The following ERC1 variants were observed in gnomAD, a reference collection of about 807,000 sequenced individuals.
ERC1 encodes the protein ELKS/RAB6-interacting/CAST family member 1.
Under a neutral mutation model 132.0 loss-of-function variants are expected in ERC1, and 56 were observed. That is an observed-to-expected ratio of 0.42 (90% CI 0.34 to 0.53). The LOEUF is 0.53. ERC1 is among the 20% of genes least tolerant of loss of function. The pLI is 0.03. For synonymous variants in ERC1, 478 were observed against 476.1 expected (o/e 1.00, Z -0.05); for missense variants, 1,202 against 1,349.9 (o/e 0.89, Z 1.72).
chr12:1,160,982 T>C (rs2154260608), intron 8 of ERC1, among the ~76,000 whole-genome samples: 1 of 152,342 alleles, frequency 6.6e-6, no homozygotes, highest in East Asian at 1.9e-4. Flanking sequence ...CTAAGCAATG[T>C]ATGCACTGGA....
At position 1,182,051 on chromosome 12, in the gene ERC1, C is replaced by A; in HGVS notation, c.2002C>A (p.Leu668Ile). ...AAAAGTCAGCCTGTTGCAAGGCGAC[C>A]TTTCAGAGAAAGAGGTTAAGCTCCC... The part of the protein sequence containing the change: ...KEKVSLLQGD[L>I]SEKEASLLDL... The change falls in exon 10 of 19, where the codon CTT becomes ATT. Residue 668 changes from leucine (L) to isoleucine (I), a missense_variant. Leu to Ile is a conservative substitution (Grantham distance 5, BLOSUM62 2). Transcript: ENST00000360905. 6.2e-7 allele frequency: 1 copy of A among 1,613,826 alleles called. No individual in the cohort carries two copies.
chr12:1,137,163 A>G (rs1001463447), intron 7 of ERC1, among the ~76,000 whole-genome samples: 1 of 139,344 alleles, frequency 7.2e-6, no homozygotes, highest in African/African-American at 2.7e-5. Flanking sequence ...CAGTGGCACC[A>G]TCTCGGCTCG....
chr12:1,314,140 A>G (rs1413770785), intron 15 of ERC1, among the ~76,000 whole-genome samples: 1 of 152,074 alleles, frequency 6.6e-6, no homozygotes, highest in African/African-American at 2.4e-5. Context: ...GGTTCCTTAA[A>G]TTTTTAACTC....
At chr12:1,138,033 T>G (rs1237303671) in intron 7 of ERC1, among the ~76,000 whole-genome samples, 1 of 127,272 alleles carries the variant, frequency 7.9e-6, no homozygotes, top group African/African-American at 3.1e-5. Context: ...TATTATATAA[T>G]TATATATAAA....
intron 7 of ERC1, among the ~76,000 whole-genome samples, chr12:1,138,683 A>T (rs1285775918): frequency 1.3e-5 from 2 of 152,082 alleles, no homozygotes; most frequent in African/African-American, 4.8e-5. Flanking sequence ...AAAGAAGGAA[A>T]GTATAGTATT....
chr12:1,130,008 G>A (rs745770916), intron 7 of ERC1, among the ~76,000 whole-genome samples: 3 of 152,184 alleles, frequency 2.0e-5, no homozygotes, highest in Non-Finnish European at 4.4e-5. Flanking sequence ...ATCACAAAAG[G>A]AAGAGCTTGT....
chr12:1,426,676 A>G (rs575418318), intron 17 of ERC1, among the ~76,000 whole-genome samples: 1 of 152,330 alleles, frequency 6.6e-6, no homozygotes, highest in Non-Finnish European at 1.5e-5. Context: ...CTAGTGTGGT[A>G]TAGTAATGCA....
At chr12:1,143,676 T>C (rs149716555) in intron 8 of ERC1, among the ~76,000 whole-genome samples, 2,823 of 151,994 alleles carry the variant, frequency 0.019, 44 homozygotes, top group Non-Finnish European at 0.031. Flanking sequence ...GCATTTTTTA[T>C]TGGGAGTACA....
intron 1 of ERC1, among the ~76,000 whole-genome samples, chr12:1,015,717 C>T (rs1176845146): frequency 6.6e-6 from 1 of 152,108 alleles, no homozygotes; most frequent in Non-Finnish European, 1.5e-5. Flanking sequence ...GCATATTTCT[C>T]GTCCCTAGTA....
intron 12 of ERC1, among the ~76,000 whole-genome samples, chr12:1,234,301 A>G (rs1175585781): frequency 6.6e-6 from 1 of 152,208 alleles, no homozygotes; most frequent in Non-Finnish European, 1.5e-5. Context: ...GCAGTGAGCC[A>G]CAGATCCCAG....
intron 16 of ERC1, among the ~76,000 whole-genome samples, chr12:1,382,261 A>G (rs879105452): frequency 7.9e-5 from 12 of 152,218 alleles, no homozygotes; most frequent in Admixed American, 7.8e-4. Flanking sequence ...CTAGGGCTGT[A>G]TGGGCGAAGC....
chr12:1,137,789 G>T (rs1019032818), intron 7 of ERC1, among the ~76,000 whole-genome samples: 2 of 151,246 alleles, frequency 1.3e-5, no homozygotes, highest in African/African-American at 4.9e-5. Flanking sequence ...GGAGGCAGAG[G>T]TTACAGTGAG....
chr12:1,228,360 A>AT (rs2074761576), intron 12 of ERC1, among the ~76,000 whole-genome samples: 1 of 48,352 alleles, frequency 2.1e-5, no homozygotes, highest in Non-Finnish European at 3.8e-5. Context: ...TTGTATACAA[A>AT]AATATACAAC....
chr12:1,090,896 A>G (rs149497215), intron 3 of ERC1, among the ~76,000 whole-genome samples: 502 of 10,158 alleles, frequency 0.049, 76 homozygotes, highest in Middle Eastern at 0.38. Context: ...TATTATTATT[A>G]TTATTATTAT....
chr12:1,278,100 C>T (rs2078406893), intron 14 of ERC1, among the ~76,000 whole-genome samples: 1 of 152,174 alleles, frequency 6.6e-6, no homozygotes, highest in African/African-American at 2.4e-5. Context: ...TTCATGGTGA[C>T]AGCTGGTTAC....
At chr12:1,306,950 G>C (rs1014473648) in intron 15 of ERC1, among the ~76,000 whole-genome samples, 5 of 152,202 alleles carry the variant, frequency 3.3e-5, no homozygotes, top group African/African-American at 1.2e-4. Flanking sequence ...TTCAGATGGA[G>C]ATACTGTGGG....
intron 15 of ERC1, among the ~76,000 whole-genome samples, chr12:1,345,296 T>C (rs2084343721): frequency 6.6e-6 from 1 of 150,812 alleles, no homozygotes. Flanking sequence ...TTCTCCTGCC[T>C]CAGCCTCCCG....
At chr12:1,331,176 T>C (rs1203481610) in intron 15 of ERC1, among the ~76,000 whole-genome samples, 1 of 152,224 alleles carries the variant, frequency 6.6e-6, no homozygotes, top group Admixed American at 6.5e-5. Context: ...GAGTAACACC[T>C]CCCTTGAGTA....
chr12:1,278,192 G>A (rs2078415673), intron 14 of ERC1, among the ~76,000 whole-genome samples: 1 of 152,198 alleles, frequency 6.6e-6, no homozygotes, highest in Non-Finnish European at 1.5e-5. Flanking sequence ...AGAGAATTCT[G>A]CCATCTCTGG....
Sources: allele counts gnomAD v4.1 joint callset (sites outside exome capture counted in the v4.1 genomes callset), GRCh38; gene constraint gnomAD v4.1.1; transcripts MANE v1.5; gene names NCBI Gene and HGNC (gene_info 2026-07-23, HGNC 2026-07-21).